The following CSF2RA variants were observed in gnomAD, a reference collection of about 807,000 sequenced individuals.
CSF2RA encodes granulocyte-macrophage colony-stimulating factor receptor subunit alpha.
CSF2RA carries 42 observed loss-of-function variants against 51.6 expected under a neutral mutation model. The observed-to-expected ratio is 0.81, with a 90% CI of 0.64 to 1.05. CSF2RA has a LOEUF of 1.05. Among genes scored for constraint, CSF2RA ranks in the 50% least tolerant of loss-of-function variants. The probability of loss-of-function intolerance (pLI) is 0.00; values close to 1 mark genes in which losing one functional copy is unlikely to be tolerated. For synonymous variants in CSF2RA, 222 were observed against 193.0 expected, an observed-to-expected ratio of 1.15 and a Z score of -1.24; for missense variants, 530 against 501.1, an observed-to-expected ratio of 1.06 and a Z score of -0.55.
At position 1,290,502 on chromosome X, in the gene CSF2RA, G is replaced by A; in HGVS notation, c.639G>A (p.Lys213=). The change falls in exon 7 of 13, where the codon AAG becomes AAA. Residue 213 remains lysine (K), a synonymous_variant. Coordinates refer to ENST00000381529, the MANE Select transcript of CSF2RA (RefSeq NM_172245.4). ...IQFFDSLLDT[K]KIERFNPPSN... is the part of the protein sequence containing the mutation. ...TCTTTGATTCACTTTTGGACACAAA[G>A]AAAATAGGTGAGAATAACACATATG... is the stretch of plus-strand genomic sequence containing the variant. 2.5e-6 allele frequency: 4 copies of A among 1,613,654 alleles called. No individual in the cohort carries two copies. Among genetic ancestry groups the A allele is most frequent in the Non-Finnish European group, 2.5e-6 (3 of 1,179,658 alleles).
downstream of CSF2RA, among the ~76,000 whole-genome samples, chrX:1,312,607 A>T (rs1436848434): frequency 6.6e-6 from 1 of 152,118 alleles, no homozygotes; most frequent in Non-Finnish European, 1.5e-5. Context: ...GCCTCCCACG[A>T]TCAGTGAGTA....
intron 2 of CSF2RA, among the ~76,000 whole-genome samples, chrX:1,281,366 CCTCCTT>C (rs2090040259): frequency 1.4e-5 from 2 of 138,672 alleles, no homozygotes; most frequent in South Asian, 5.1e-4. Flanking sequence ...TTCTCCTCCT[CCTCCTT>C]CTCCTCCTCC....
intron 12 of CSF2RA, 182 bp downstream of exon 12, chrX:1,305,709 A>G (rs1175320858): frequency 1.3e-6 from 2 of 1,556,394 alleles, no homozygotes; most frequent in Non-Finnish European, 1.7e-6. Context: ...GTCTTCTCCA[A>G]GGTTGGGGTC....
chrX:1,317,246 C>CCTTTTTTTTTTT, the CSF2RA span, among the ~76,000 whole-genome samples: 1 of 57,828 alleles, frequency 1.7e-5, no homozygotes, highest in African/African-American at 7.4e-5. Flanking sequence ...CCACGCTCAG[C>CCTTTTTTTTTTT]TTTTTTTTTT....
intron 12 of CSF2RA, among the ~76,000 whole-genome samples, chrX:1,308,425 G>A (rs1340372399): frequency 1.1e-4 from 17 of 151,848 alleles, no homozygotes; most frequent in Non-Finnish European, 2.1e-4. Flanking sequence ...CAGAGAGACC[G>A]AGAGAGAGGC....
chrX:1,285,798 G>C lies in CSF2RA; in HGVS notation c.97G>C (p.Ala33Pro), dbSNP rs1364009285. 1.2e-6 allele frequency: 2 copies of C among 1,604,220 alleles called. No individual in the cohort carries two copies. The highest frequency in any genetic ancestry group is 4.6e-5 in the East Asian group (2 of 43,710). The change falls in exon 4 of 13, where the codon GCC (alanine) becomes CCC (proline). Residue 33 changes from alanine (A) to proline (P), a missense_variant. Transcript: ENST00000381529. ...EKSDLRTVAPASSLNVRFDSR... is the reference protein window; with the variant it reads ...EKSDLRTVAPPSSLNVRFDSR... ...TGCAGATCTGCGAACAGTGGCACCA[G>C]CCTCTAGTCTCAATGTGAGGTTTGA... is the stretch of plus-strand genomic sequence containing the variant.
At chrX:1,273,023 T>G (rs1356238963) in intron 1 of CSF2RA, among the ~76,000 whole-genome samples, 1 of 151,410 alleles carries the variant, frequency 6.6e-6, no homozygotes, top group Non-Finnish European at 1.5e-5. Flanking sequence ...TTTCACCAGG[T>G]TGGCCAGGCT....
chrX:1,282,257 T>C (rs1404720656), intron 2 of CSF2RA: 31 of 192,780 alleles, frequency 1.6e-4, no homozygotes, highest in South Asian at 4.1e-4. Flanking sequence ...GTTATGAAAA[T>C]GAAAACCTGA....
At chrX:1,314,497 G>GCCTGCCCAACTGCACTGCA (rs1569514894), downstream of CSF2RA, among the ~76,000 whole-genome samples, 1 of 90,668 alleles carries the variant, frequency 1.1e-5, no homozygotes, top group African/African-American at 5.2e-5. Flanking sequence ...ACCCCACTGT[G>GCCTGCCCAACTGCACTGCA]CCTGCCCAAC....
intron 12 of CSF2RA, among the ~76,000 whole-genome samples, chrX:1,308,259 G>A (rs753095305): frequency 1.3e-5 from 2 of 152,104 alleles, no homozygotes; most frequent in African/African-American, 4.8e-5. Flanking sequence ...TTGGTGCCGG[G>A]TATCAGAGAC....
At chrX:1,316,059 A>AATAGATAGATAGATAG in the CSF2RA span, among the ~76,000 whole-genome samples, 8,633 of 149,022 alleles carry the variant, frequency 0.058, 323 homozygotes, top group Middle Eastern at 0.12. Flanking sequence ...TAGATAGATC[A>AATAGATAGATAGATAG]ATAGATAGAT....
intron 7 of CSF2RA, 84 bp downstream of exon 7, chrX:1,290,593 G>A (rs1483929685): frequency 1.9e-5 from 25 of 1,342,640 alleles, no homozygotes; most frequent in South Asian, 5.9e-5. Context: ...GGCCACGTGC[G>A]GTGTCTCACA....
chrX:1,304,078 G>T, intron 11 of CSF2RA, 59 bp downstream of exon 11: 10 of 1,365,976 alleles, frequency 7.3e-6, no homozygotes, highest in Non-Finnish European at 1.0e-5. Context: ...GGAGGAAAGC[G>T]CTTTGTCCAG....
intron 12 of CSF2RA, 108 bp downstream of exon 12, chrX:1,305,635 C>T (rs753052306): frequency 5.2e-5 from 84 of 1,612,502 alleles, no homozygotes; most frequent in Non-Finnish European, 6.3e-5. Context: ...CAGATGGGAC[C>T]GCAGCGTCAC....
intron 11 of CSF2RA, among the ~76,000 whole-genome samples, chrX:1,304,772 C>T (rs1238255996): frequency 6.6e-6 from 1 of 151,584 alleles, no homozygotes; most frequent in Admixed American, 6.6e-5. Flanking sequence ...TCACGCCATT[C>T]TCCTGCCTCA....
chrX:1,295,306 C>T (rs2091836572), intron 8 of CSF2RA, 121 bp from the exon 9 acceptor site: 3 of 1,258,500 alleles, frequency 2.4e-6, no homozygotes, highest in African/African-American at 1.5e-5. Flanking sequence ...GACCTGCCTG[C>T]CACTCCGCAG....
At chrX:1,312,465 A>G (rs1451196735), downstream of CSF2RA, among the ~76,000 whole-genome samples, 1 of 151,662 alleles carries the variant, frequency 6.6e-6, no homozygotes, top group Non-Finnish European at 1.5e-5. Flanking sequence ...TCCCACATGG[A>G]ATTAGGACGT....
At chrX:1,320,460 C>G in the CSF2RA span, among the ~76,000 whole-genome samples, 1 of 150,240 alleles carries the variant, frequency 6.7e-6, no homozygotes, top group Non-Finnish European at 1.5e-5. Flanking sequence ...TGTTGATTCT[C>G]AAATGCCTCA....
intron 2 of CSF2RA, among the ~76,000 whole-genome samples, chrX:1,276,285 C>T (rs1306911774): frequency 2.0e-5 from 3 of 152,034 alleles, no homozygotes; most frequent in African/African-American, 7.2e-5. Flanking sequence ...CTGCCTGCCT[C>T]AGCCTCCAGA....
Sources: gnomAD v4.1 joint callset for allele counts (sites outside exome capture counted in the v4.1 genomes callset) on GRCh38, gnomAD v4.1.1 for gene constraint, MANE v1.5 for transcripts, NCBI Gene and HGNC (gene_info 2026-07-23, HGNC 2026-07-21) for gene names.